Variants in NOSTRIN observed in about 807,000 individuals in gnomAD.
NOSTRIN encodes nitric oxide synthase trafficking.
A neutral mutation model predicts 59.0 loss-of-function variants in NOSTRIN; 63 were observed. The ratio of observed to expected loss-of-function variants is 1.07; its 90% CI spans 0.87 to 1.32. The LOEUF is 1.32. Among genes scored for constraint, NOSTRIN ranks in the 40% most tolerant of loss-of-function variants. The pLI, the probability that NOSTRIN is intolerant of heterozygous loss-of-function variation, is 0.00. For synonymous variants in NOSTRIN, 200 were observed against 165.4 expected, an observed-to-expected ratio of 1.21 and a Z score of -1.61; for missense variants, 512 against 473.1, an observed-to-expected ratio of 1.08 and a Z score of -0.76.
chr2:168,828,021 A>C, intron 3 of NOSTRIN, 137 bp from the exon 4 acceptor site: 1 of 679,216 alleles, frequency 1.5e-6, no homozygotes, highest in South Asian at 1.7e-5. Flanking sequence ...CTCATAGAGA[A>C]ATTGAAATAA....
Position 168,856,791 on chromosome 2 carries a change from C to G in NOSTRIN, c.1053+13C>G, listed in dbSNP as rs890367322. 3 of 1,610,280 alleles carry G rather than the reference C, an allele frequency of 1.9e-6. No individual in the cohort carries two copies. The highest frequency in any genetic ancestry group is 2.5e-6 in the Non-Finnish European group (3 of 1,176,726). On this transcript the variant is annotated intron_variant, in intron 12 of 15. Transcript: ENST00000317647. ...GTTAATGGATGAGGTAAATGTTTGC[C>G]GAGTGCATTTCCTAGATGTAGTGAT...
chr2:168,856,462 C>T, intron 11 of NOSTRIN: 1 of 516,172 alleles, frequency 1.9e-6, no homozygotes, highest in Non-Finnish European at 3.5e-6. Context: ...GTAATCCCAG[C>T]TACTCAAGAG....
chr2:168,788,936 T>TAGATA (rs60336209), intron 2 of NOSTRIN, among the ~76,000 whole-genome samples: 2 of 145,424 alleles, frequency 1.4e-5, no homozygotes, highest in Non-Finnish European at 3.0e-5. Context: ...GATAGATAGA[T>TAGATA]GATAGATATT....
chr2:168,835,043 A>C (rs552700032), intron 7 of NOSTRIN, among the ~76,000 whole-genome samples: 1 of 152,214 alleles, frequency 6.6e-6, no homozygotes, highest in South Asian at 2.1e-4. Context: ...AACTATAGTA[A>C]ATTTAAATGC....
Position 168,822,540 on chromosome 2 carries a change from A to G in NOSTRIN, c.114-2094A>G, listed in dbSNP as rs144384301. On this transcript the variant is annotated intron_variant, in intron 2 of 15. Transcript: ENST00000317647. ...ATAACATAATAAATAATTCTAAAAT[A>G]TAATAAAAATGGATTAACAGACTGA... Among the ~76,000 whole-genome samples, 654 of 152,368 alleles carry G rather than the reference A, an allele frequency of 4.3e-3. 10 individuals are homozygous for G. Among genetic ancestry groups the G allele is most frequent in the African/African-American group, 0.015 (611 of 41,586 alleles).
At chr2:168,829,295 C>T (rs1367354278) in intron 5 of NOSTRIN, among the ~76,000 whole-genome samples, 1 of 150,248 alleles carries the variant, frequency 6.7e-6, no homozygotes, top group African/African-American at 2.4e-5. Flanking sequence ...TTCTTCCTTC[C>T]TTCTCTTTCT....
intron 14 of NOSTRIN, 112 bp downstream of exon 14, chr2:168,861,021 A>G (rs1323260149): frequency 4.4e-6 from 3 of 677,342 alleles, no homozygotes; most frequent in East Asian, 2.6e-5. Context: ...AAGGAAATTT[A>G]TATTTCCATT....
intron 6 of NOSTRIN, among the ~76,000 whole-genome samples, chr2:168,832,707 G>A (rs1043388042): frequency 6.6e-6 from 1 of 152,238 alleles, no homozygotes; most frequent in Non-Finnish European, 1.5e-5. Flanking sequence ...AAAAAGTAAA[G>A]TCCCAGAAAC....
chr2:168,794,077 C>T (rs117561412), upstream of NOSTRIN, among the ~76,000 whole-genome samples: 18 of 152,302 alleles, frequency 1.2e-4, no homozygotes, highest in East Asian at 3.5e-3. Context: ...GTAATATAAC[C>T]TTCCTTCATC....
intron 7 of NOSTRIN, among the ~76,000 whole-genome samples, chr2:168,836,807 G>GA (rs1687746900): frequency 6.6e-6 from 1 of 152,184 alleles, no homozygotes; most frequent in Non-Finnish European, 1.5e-5. Flanking sequence ...CTGCCTCCCA[G>GA]AGGCCCTCTC....
At chr2:168,804,317 G>A (rs1227220759) in intron 1 of NOSTRIN, among the ~76,000 whole-genome samples, 3 of 152,166 alleles carry the variant, frequency 2.0e-5, no homozygotes, top group Non-Finnish European at 1.5e-5. Context: ...CTAAAACTTT[G>A]AAGGTCATCT....
intron 11 of NOSTRIN, chr2:168,856,051 T>C (rs1265976850): frequency 3.7e-6 from 1 of 272,268 alleles, no homozygotes; most frequent in African/African-American, 2.3e-5. Flanking sequence ...AAACATTTAG[T>C]GATGTGAATA....
At chr2:168,811,449 A>G in intron 1 of NOSTRIN, 118 bp from the exon 2 acceptor site, 3 of 501,746 alleles carry the variant, frequency 6.0e-6, no homozygotes, top group Non-Finnish European at 7.1e-6. Context: ...TAGCTGCACG[A>G]TCCTTTATAA....
At chr2:168,816,087 G>A (rs1686381149) in intron 2 of NOSTRIN, among the ~76,000 whole-genome samples, 1 of 152,196 alleles carries the variant, frequency 6.6e-6, no homozygotes, top group Non-Finnish European at 1.5e-5. Context: ...TATAGCCGTG[G>A]AGTTTGTATG....
At chr2:168,822,765 G>A (rs937704722) in intron 2 of NOSTRIN, among the ~76,000 whole-genome samples, 2 of 152,132 alleles carry the variant, frequency 1.3e-5, no homozygotes, top group African/African-American at 2.4e-5. Flanking sequence ...AAGAACCAAG[G>A]GGTTTGCTTT....
rs773374072 is a variant in NOSTRIN, at chr2:168,860,786, T to C, written c.1180-9T>C. The C allele has an allele frequency of 6.5e-7, 1 of 1,528,274 alleles. No homozygotes were observed. The highest frequency in any genetic ancestry group is 9.1e-7 in the Non-Finnish European group (1 of 1,103,444). The allele number at this position is 1,528,274 out of a possible 1,614,324, so 94.7% of individuals were successfully genotyped here. On this transcript the variant is annotated splice_polypyrimidine_tract_variant and intron_variant, in intron 13 of 15. Transcript: ENST00000317647. ...TTACAAAATATGACTTTTTATGTCA[T>C]TTGAACAGGAGCATACTCATAGCTA...
chr2:168,865,136 C>G lies in NOSTRIN; in HGVS notation c.*166C>G. On this transcript the variant is annotated 3_prime_UTR_variant, in exon 16 of 16. Transcript: ENST00000317647. ...TTCATGATTATTAGCTTGAAACAGT[C>G]AGAAAAAAGATGGATGGGTGGAGAC... 1.4e-6 allele frequency: 1 copy of G among 740,566 alleles called. No individual in the cohort carries two copies. The allele number at this position is 740,566 out of a possible 1,614,324, so 45.9% of individuals were successfully genotyped here.
intron 2 of NOSTRIN, among the ~76,000 whole-genome samples, chr2:168,814,379 C>T (rs775698997): frequency 2.6e-5 from 4 of 152,208 alleles, no homozygotes; most frequent in African/African-American, 9.7e-5. Context: ...AGAAATTCCT[C>T]CTCTAGATAT....
intron 2 of NOSTRIN, among the ~76,000 whole-genome samples, chr2:168,817,036 G>A (rs1238568553): frequency 6.6e-6 from 1 of 152,200 alleles, no homozygotes; most frequent in Non-Finnish European, 1.5e-5. Context: ...CACTTATTCA[G>A]TACAACCCAT....
Sources: allele counts gnomAD v4.1 joint callset (sites outside exome capture counted in the v4.1 genomes callset), GRCh38; gene constraint gnomAD v4.1.1; transcripts MANE v1.5; gene names NCBI Gene and HGNC (gene_info 2026-07-23, HGNC 2026-07-21).